Variants in PUDP observed in about 807,000 individuals in gnomAD.
PUDP encodes the protein pseudouridine-5'-phosphatase.
A neutral mutation model predicts 9.4 loss-of-function variants in PUDP; 8 were observed. The ratio of observed to expected loss-of-function variants is 0.85; its 90% confidence interval spans 0.50 to 1.53. The LOEUF (loss-of-function observed/expected upper bound fraction) is 1.53, where lower values mean the gene tolerates loss of function less well. Ranked by LOEUF, PUDP falls within the 40% of genes most tolerant of loss-of-function variation. The pLI is 0.00. For synonymous variants in PUDP, 99 were observed against 80.7 expected (o/e 1.23, Z -1.22); for missense variants, 188 against 189.7 (o/e 0.99, Z 0.05).
chrX:7,139,957 A>G lies in PUDP; in HGVS notation c.61+8096T>C, dbSNP rs146562505. 6.1e-4 allele frequency among the ~76,000 whole-genome samples: 68 copies of G among 112,132 alleles called. 1 individual carries two copies. In the East Asian group the frequency reaches 0.019, roughly 31 times the overall value. ...TCCTTAGCTGCTACTCACTGTTGGC[A>G]TCACAGCAAAGGACACAAGGGAGAC... is the stretch of plus-strand genomic sequence containing the variant. On this transcript the variant is annotated intron_variant, in intron 1 of 3. Coordinates refer to ENST00000381077, the MANE Select transcript of PUDP (RefSeq NM_012080.5).
chrX:6,988,748 A>C (rs5935602), intron 1 of PUDP, among the ~76,000 whole-genome samples: 39,935 of 109,574 alleles, frequency 0.36, 5,465 homozygotes, highest in Non-Finnish European at 0.41. Context: ...ACCCCCAATA[A>C]AACTGTTTAA....
intron 3 of PUDP, among the ~76,000 whole-genome samples, chrX:6,914,596 A>G (rs1248075292): frequency 8.9e-6 from 1 of 112,161 alleles, no homozygotes; most frequent in Non-Finnish European, 1.9e-5. Flanking sequence ...CCCTGCAGGA[A>G]CAATGGTGGC....
At chrX:7,007,392 C>T (rs1467653336) in intron 1 of PUDP, among the ~76,000 whole-genome samples, 12 of 111,861 alleles carry the variant, frequency 1.1e-4, no homozygotes, top group Non-Finnish European at 5.6e-5. Flanking sequence ...ATTCAAAAAC[C>T]CTGTAAATAT....
At chrX:6,901,766 CAT>C (rs772398115) in intron 3 of PUDP, among the ~76,000 whole-genome samples, 12 of 112,951 alleles carry the variant, frequency 1.1e-4, no homozygotes, top group Non-Finnish European at 1.5e-4. Context: ...GGCAGGGAGA[CAT>C]GTGCAATATA....
intron 1 of PUDP, among the ~76,000 whole-genome samples, chrX:7,141,657 A>G (rs749630153): frequency 7.3e-4 from 83 of 113,129 alleles, no homozygotes; most frequent in Non-Finnish European, 1.4e-3. Context: ...CAGATTTTCA[A>G]TGTAGACAAA....
intron 3 of PUDP, among the ~76,000 whole-genome samples, chrX:6,975,204 C>A (rs546134394): frequency 9.1e-6 from 1 of 110,144 alleles, no homozygotes; most frequent in Non-Finnish European, 1.9e-5. Flanking sequence ...TTTCTGAAGC[C>A]TATTTCTGTC....
chrX:6,758,825 C>T (rs1925198545), intron 3 of PUDP, among the ~76,000 whole-genome samples: 1 of 111,363 alleles, frequency 9.0e-6, no homozygotes, highest in Admixed American at 9.6e-5. Context: ...GTGCGGAAGG[C>T]AAGCAGAAAG....
intron 1 of PUDP, among the ~76,000 whole-genome samples, chrX:7,012,233 G>A (rs1358752537): frequency 8.9e-6 from 1 of 112,061 alleles, no homozygotes; most frequent in Non-Finnish European, 1.9e-5. Flanking sequence ...TTCTGGAGAC[G>A]TGTTTTGATG....
At chrX:7,054,921 A>C (rs1453085085) in intron 3 of PUDP, among the ~76,000 whole-genome samples, 2 of 112,055 alleles carry the variant, frequency 1.8e-5, no homozygotes, top group Admixed American at 1.9e-4. Context: ...ACAGGAGTGG[A>C]GCAGAAGTGA....
chrX:6,749,093 A>C (rs1419855343), intron 3 of PUDP, among the ~76,000 whole-genome samples: 1 of 112,085 alleles, frequency 8.9e-6, no homozygotes, highest in African/African-American at 3.2e-5. Context: ...ATTTTGCAGG[A>C]GATGCAAAAC....
At chrX:6,765,334 G>A (rs1925272161) in intron 3 of PUDP, among the ~76,000 whole-genome samples, 1 of 111,186 alleles carries the variant, frequency 9.0e-6, no homozygotes, top group Non-Finnish European at 1.9e-5. Flanking sequence ...AGAAAGCCCT[G>A]AAAATACCTA....
intron 1 of PUDP, among the ~76,000 whole-genome samples, chrX:7,002,728 C>T (rs1016558901): frequency 1.8e-5 from 2 of 111,215 alleles, no homozygotes; most frequent in African/African-American, 6.6e-5. Context: ...GGAGGGGCTG[C>T]ATAATGGGAT....
intron 3 of PUDP, among the ~76,000 whole-genome samples, chrX:6,961,625 T>C (rs1299576344): frequency 8.9e-6 from 1 of 111,872 alleles, no homozygotes; most frequent in African/African-American, 3.2e-5. Flanking sequence ...AACTGTTTAA[T>C]GACTCTCCTT....
chrX:7,107,511 G>A (rs1388035618), intron 1 of PUDP, among the ~76,000 whole-genome samples: 2 of 112,528 alleles, frequency 1.8e-5, no homozygotes, highest in Non-Finnish European at 3.8e-5. Context: ...TTGAAAGTTG[G>A]CAAGGTATGA....
intron 3 of PUDP, among the ~76,000 whole-genome samples, chrX:7,055,190 G>C (rs1930204943): frequency 9.0e-6 from 1 of 111,249 alleles, no homozygotes; most frequent in Admixed American, 9.6e-5. Flanking sequence ...TTATAAAGCA[G>C]AACAACTACT....
intron 2 of PUDP, among the ~76,000 whole-genome samples, chrX:7,082,017 G>GA (rs1931107690): frequency 8.9e-6 from 1 of 112,375 alleles, no homozygotes. Context: ...AGTAAAAGAC[G>GA]AAAAAATGCA....
intron 3 of PUDP, among the ~76,000 whole-genome samples, chrX:6,974,241 T>C (rs1471365733): frequency 8.9e-6 from 1 of 112,256 alleles, no homozygotes; most frequent in Admixed American, 9.5e-5. Context: ...TTTGATCCTG[T>C]CATTGTGATG....
intron 3 of PUDP, among the ~76,000 whole-genome samples, chrX:7,060,340 T>C (rs1432716096): frequency 2.7e-5 from 3 of 112,364 alleles, no homozygotes; most frequent in African/African-American, 9.7e-5. Flanking sequence ...TTGTTTTCAC[T>C]GGCCTCCCAT....
In PUDP at chrX:7,050,207, G is replaced by T; in HGVS notation, c.*89C>A. On this transcript the variant is annotated 3_prime_UTR_variant, in exon 4 of 4. Coordinates refer to ENST00000381077, the MANE Select transcript of PUDP (RefSeq NM_012080.5). ...AGGCTAAAATCACAGCGCAGGTTGG[G>T]ATTGAAGAGTTGCTGATTTCCTTTC... 1 of 916,939 alleles carries T rather than the reference G, an allele frequency of 1.1e-6. No individual in the cohort carries two copies. The highest frequency in any genetic ancestry group is 1.5e-6 in the Non-Finnish European group (1 of 663,214). The allele number at this position is 916,939 out of a possible 1,213,427, so 75.6% of individuals were successfully genotyped here. A position where few individuals can be genotyped will look rare whatever the true frequency, so the allele number is the denominator to read the frequency against.
Sources: allele counts gnomAD v4.1 joint callset (sites outside exome capture counted in the v4.1 genomes callset), GRCh38; gene constraint gnomAD v4.1.1; transcripts MANE v1.5; gene names NCBI Gene and HGNC (gene_info 2026-07-23, HGNC 2026-07-21).